TMEM163: variants seen among roughly 807,000 people sequenced by gnomAD.
The protein encoded by TMEM163 is transmembrane protein 163.
Under a neutral mutation model 29.3 loss-of-function variants are expected in TMEM163, and 17 were observed. The observed-to-expected ratio is 0.58, with a 90% CI of 0.40 to 0.87. The LOEUF is 0.87. Ranked by LOEUF, TMEM163 falls within the 40% of genes least tolerant of loss-of-function variation. The pLI is 0.00. For synonymous variants in TMEM163, 157 were observed against 160.6 expected (o/e 0.98, Z 0.17); for missense variants, 303 against 381.5 (o/e 0.79, Z 1.71).
intron 1 of TMEM163, among the ~76,000 whole-genome samples, chr2:134,718,043 C>A (rs567288733): frequency 6.6e-6 from 1 of 152,208 alleles, no homozygotes; most frequent in Admixed American, 6.5e-5. Flanking sequence ...ACGCGCCCTC[C>A]GGAAACATCA....
At chr2:134,680,652 T>G (rs527376958) in intron 2 of TMEM163, among the ~76,000 whole-genome samples, 1 of 152,214 alleles carries the variant, frequency 6.6e-6, no homozygotes, top group African/African-American at 2.4e-5. Context: ...CTTTGTATGT[T>G]GGGCAGTTAC....
At chr2:134,465,078 A>G (rs1377938160) in intron 6 of TMEM163, among the ~76,000 whole-genome samples, 5 of 151,798 alleles carry the variant, frequency 3.3e-5, no homozygotes, top group African/African-American at 1.2e-4. Context: ...CTACCCGGGC[A>G]CGGTGGCTCA....
At chr2:134,509,303 T>C (rs659764) in intron 4 of TMEM163, among the ~76,000 whole-genome samples, 60,318 of 152,070 alleles carry the variant, frequency 0.4, 12,196 homozygotes, top group South Asian at 0.62. Context: ...GACAGTACAG[T>C]TCTAAAGGTT....
intron 5 of TMEM163, among the ~76,000 whole-genome samples, chr2:134,477,766 T>C (rs912441674): frequency 2.0e-5 from 3 of 152,200 alleles, no homozygotes; most frequent in African/African-American, 2.4e-5. Context: ...CCCAAGGTCA[T>C]ACCTATTGAA....
chr2:134,688,113 G>C (rs1042069044), intron 2 of TMEM163, among the ~76,000 whole-genome samples: 6 of 152,100 alleles, frequency 3.9e-5, no homozygotes, highest in African/African-American at 1.4e-4. Context: ...TCCCCACTGC[G>C]CACCAGACAC....
At chr2:134,610,441 CCT>C (rs1191670505) in intron 2 of TMEM163, among the ~76,000 whole-genome samples, 3 of 152,130 alleles carry the variant, frequency 2.0e-5, no homozygotes, top group Non-Finnish European at 4.4e-5. Context: ...GGGCCCAGCC[CCT>C]GAGTTTCAAT....
intron 2 of TMEM163, among the ~76,000 whole-genome samples, chr2:134,671,527 G>A (rs1228349210): frequency 6.6e-6 from 1 of 152,178 alleles, no homozygotes; most frequent in African/African-American, 2.4e-5. Context: ...GGCTGCTGCT[G>A]CATGGTGCTG....
chr2:134,589,736 G>A (rs1681901064), intron 2 of TMEM163, among the ~76,000 whole-genome samples: 1 of 152,196 alleles, frequency 6.6e-6, no homozygotes, highest in Non-Finnish European at 1.5e-5. Flanking sequence ...TGCCAATGGA[G>A]TAGCCATTCT....
At chr2:134,624,556 T>C (rs1316993506) in intron 2 of TMEM163, among the ~76,000 whole-genome samples, 2 of 152,072 alleles carry the variant, frequency 1.3e-5, no homozygotes, top group East Asian at 1.9e-4. Context: ...CCCCATGACA[T>C]AGTTTACCTA....
intron 2 of TMEM163, among the ~76,000 whole-genome samples, chr2:134,616,445 T>A (rs1682610850): frequency 6.6e-6 from 1 of 152,164 alleles, no homozygotes; most frequent in African/African-American, 2.4e-5. Context: ...CTTTAAAAGT[T>A]TTTAAAGGGA....
intron 2 of TMEM163, among the ~76,000 whole-genome samples, chr2:134,628,802 G>A (rs1682907159): frequency 6.6e-6 from 1 of 152,216 alleles, no homozygotes; most frequent in Admixed American, 6.5e-5. Flanking sequence ...TAAATCATGA[G>A]TATAACAGCT....
intron 4 of TMEM163, among the ~76,000 whole-genome samples, chr2:134,534,866 G>A (rs1239573561): frequency 6.6e-6 from 1 of 152,218 alleles, no homozygotes; most frequent in Non-Finnish European, 1.5e-5. Context: ...AAACAGCCAA[G>A]TGAATCCTTG....
chr2:134,473,600 A>C (rs560241547), intron 5 of TMEM163, among the ~76,000 whole-genome samples: 1 of 152,244 alleles, frequency 6.6e-6, no homozygotes, highest in South Asian at 2.1e-4. Flanking sequence ...AGAAGAATCA[A>C]TAAAACCAAA....
At chr2:134,481,115 T>C (rs1431287479) in intron 5 of TMEM163, among the ~76,000 whole-genome samples, 1 of 152,198 alleles carries the variant, frequency 6.6e-6, no homozygotes, top group East Asian at 1.9e-4. Context: ...GACTTAGACT[T>C]CGTTTGTCAA....
At chr2:134,515,084 A>T (rs763262632) in intron 4 of TMEM163, among the ~76,000 whole-genome samples, 1 of 152,262 alleles carries the variant, frequency 6.6e-6, no homozygotes, top group Non-Finnish European at 1.5e-5. Context: ...CAGTGGCAGC[A>T]AAAGGCTGTC....
intron 4 of TMEM163, among the ~76,000 whole-genome samples, chr2:134,542,501 G>GT (rs1680696744): frequency 6.6e-6 from 1 of 152,176 alleles, no homozygotes; most frequent in African/African-American, 2.4e-5. Context: ...TGCTTTATCT[G>GT]TATTTATAGC....
intron 2 of TMEM163, among the ~76,000 whole-genome samples, chr2:134,686,953 A>G (rs1392332583): frequency 6.6e-6 from 1 of 152,242 alleles, no homozygotes; most frequent in South Asian, 2.1e-4. Context: ...GAGTTACACT[A>G]CAGGAGAGGA....
At chr2:134,707,225 G>A (rs910061210) in intron 2 of TMEM163, among the ~76,000 whole-genome samples, 1 of 152,162 alleles carries the variant, frequency 6.6e-6, no homozygotes, top group Admixed American at 6.5e-5. Flanking sequence ...ACAAGGAGGT[G>A]GACACAGGAG....
chr2:134,553,670 G>A lies in TMEM163; in HGVS notation c.323-1579C>T, dbSNP rs1020368110. ...ACAACCCATTAAATCCCTAACCACC[G>A]TTGTTTTTGACATGAGCTGCTCCAG... On this transcript the variant is annotated intron_variant, in intron 2 of 7. Coordinates refer to ENST00000281924, the MANE Select transcript of TMEM163 (RefSeq NM_030923.5). Among the ~76,000 whole-genome samples, 9 of 152,284 alleles carry A rather than the reference G, an allele frequency of 5.9e-5. No homozygotes were observed. The South Asian group carries it at 8.3e-4, about 14-fold the overall frequency.
Sources: allele counts gnomAD v4.1 joint callset (sites outside exome capture counted in the v4.1 genomes callset), GRCh38; gene constraint gnomAD v4.1.1; transcripts MANE v1.5; gene names NCBI Gene and HGNC (gene_info 2026-07-23, HGNC 2026-07-21).